Variants in TICRR observed in about 807,000 individuals in gnomAD.
TICRR encodes the protein TOPBP1 interacting checkpoint and replication regulator, also known as treslin.
In TICRR, 132 loss-of-function variants were observed where a neutral mutation model predicts 178.1. That is an observed-to-expected ratio of 0.74 (90% confidence interval 0.64 to 0.86). The LOEUF (loss-of-function observed/expected upper bound fraction) is 0.86. Among genes scored for constraint, TICRR ranks in the 40% least tolerant of loss-of-function variants. TICRR has a pLI of 0.00. For missense variants in TICRR, 2,587 were observed against 2,334.3 expected (o/e 1.11, Z -2.23); for synonymous variants, 991 against 900.7 (o/e 1.10, Z -1.79).
intron 3 of TICRR, among the ~76,000 whole-genome samples, chr15:89,585,027 A>G (rs1962796561): frequency 6.6e-6 from 1 of 152,206 alleles, no homozygotes. Context: ...ACATACCCAG[A>G]TTTGATTTAA....
At chr15:89,589,260 A>G (rs764416306) in intron 4 of TICRR, among the ~76,000 whole-genome samples, 92 of 152,230 alleles carry the variant, frequency 6.0e-4, no homozygotes, top group Non-Finnish European at 1.2e-3. Context: ...GGGGAGCATG[A>G]GATTGATTCC....
At chr15:89,592,414 C>T (rs921724282) in intron 5 of TICRR, among the ~76,000 whole-genome samples, 2 of 151,858 alleles carry the variant, frequency 1.3e-5, no homozygotes, top group Non-Finnish European at 2.9e-5. Context: ...CAAAGTAATT[C>T]GTCAAGTTAA....
At chr15:89,604,752 CAGAG>C (rs1440269044) in intron 13 of TICRR, among the ~76,000 whole-genome samples, 1 of 118,108 alleles carries the variant, frequency 8.5e-6, no homozygotes, top group Non-Finnish European at 1.6e-5. Flanking sequence ...GCCTGGGTTA[CAGAG>C]AGAGACTCTG....
At position 89,575,564 on chromosome 15, in the gene TICRR, C is replaced by T. The variant is rs1962594070; in HGVS notation, c.-23C>T. 3.4e-6 allele frequency: 5 copies of T among 1,451,136 alleles called. No individual in the cohort carries two copies. The highest frequency in any genetic ancestry group is 4.5e-6 in the Non-Finnish European group (5 of 1,109,744). The allele number at this position is 1,451,136 out of a possible 1,614,324, so 89.9% of individuals were successfully genotyped here. A position where few individuals can be genotyped will look rare whatever the true frequency, so the allele number is the denominator to read the frequency against. On this transcript the variant is annotated 5_prime_UTR_variant, in exon 1 of 22. Transcript: ENST00000268138. ...CGGTGGCGCGGGCCCGGACCGGGGC[C>T]CCGGGGCGGCGGCACGGCCGATATG...
At chr15:89,612,298 C>T (rs182774779) in intron 15 of TICRR, among the ~76,000 whole-genome samples, 20 of 152,080 alleles carry the variant, frequency 1.3e-4, no homozygotes, top group Admixed American at 4.6e-4. Context: ...ATTCAAGAAA[C>T]GAGGAGGGGG....
rs531988385 is a variant in TICRR, at chr15:89,613,140, A to G, written c.2870-3265A>G. Among the ~76,000 whole-genome samples the G allele has an allele frequency of 3.9e-5, 6 of 152,168 alleles. No homozygotes were observed. In the South Asian group the frequency reaches 1.2e-3, roughly 32 times the overall value. ...GTCTGCTAATGACAAATTCTGTTTT[A>G]TTTTGTTTCATTCTGAGAATGTGAT... On this transcript the variant is annotated intron_variant, in intron 15 of 21. Transcript: ENST00000268138.
At chr15:89,588,723 G>A (rs537863547) in intron 4 of TICRR, among the ~76,000 whole-genome samples, 59 of 152,262 alleles carry the variant, frequency 3.9e-4, no homozygotes, top group African/African-American at 1.4e-3. Context: ...CAGAGTGTTG[G>A]TAGCATCAAA....
At chr15:89,619,678 TG>T in intron 17 of TICRR, 29 bp from the exon 18 acceptor site, 1 of 1,583,904 alleles carries the variant, frequency 6.3e-7, no homozygotes, top group Non-Finnish European at 8.6e-7. Flanking sequence ...TAGTTGTCTT[TG>T]GTTACTTACT....
chr15:89,623,934 A>C lies in TICRR; in HGVS notation c.3624A>C (p.Pro1208=). ...GTACTCAGCCGCCTGGGTTTTTGCCAAACTGTACTTGGCCACATTCAGTGA... is the reference window on the plus strand; with the variant it reads ...GTACTCAGCCGCCTGGGTTTTTGCCCAACTGTACTTGGCCACATTCAGTGA... ...RQGTQPPGFL[P]NCTWPHSVNS... The change falls in exon 20 of 22, where the codon CCA becomes CCC. Residue 1208 remains proline (P), a synonymous_variant. Coordinates refer to ENST00000268138, the MANE Select transcript of TICRR (RefSeq NM_152259.4). 6.2e-7 allele frequency: 1 copy of C among 1,614,064 alleles called. No homozygotes were observed. Among genetic ancestry groups the C allele is most frequent in the Non-Finnish European group, 8.5e-7 (1 of 1,180,030 alleles).
At chr15:89,605,322 C>T (rs1197826726) in intron 13 of TICRR, among the ~76,000 whole-genome samples, 1 of 152,222 alleles carries the variant, frequency 6.6e-6, no homozygotes, top group African/African-American at 2.4e-5. Flanking sequence ...GGTCTGTACA[C>T]TGTAGTTTAC....
chr15:89,618,316 G>T (rs773483581), intron 17 of TICRR, 106 bp downstream of exon 17: 1 of 1,038,760 alleles, frequency 9.6e-7, no homozygotes, highest in Non-Finnish European at 1.5e-6. Context: ...TACAGAAATT[G>T]TGATGGCTCT....
chr15:89,575,513 T>C lies in TICRR; in HGVS notation c.-74T>C. 2 of 1,368,644 alleles carry C rather than the reference T, an allele frequency of 1.5e-6. No individual in the cohort carries two copies. Among genetic ancestry groups the C allele is most frequent in the South Asian group, 3.1e-5 (2 of 65,180 alleles). The allele number at this position is 1,368,644 out of a possible 1,614,324, so 84.8% of individuals were successfully genotyped here. On this transcript the variant is annotated 5_prime_UTR_variant, in exon 1 of 22. Coordinates refer to ENST00000268138, the MANE Select transcript of TICRR (RefSeq NM_152259.4). ...CAAAGGAAAGCAGTGAGTGGTGCTG[T>C]TTCCCTGAAGGAAGGGACTAAGGGA... is the stretch of plus-strand genomic sequence containing the variant.
chr15:89,576,678 A>G (rs939286371), intron 1 of TICRR, among the ~76,000 whole-genome samples: 1 of 151,972 alleles, frequency 6.6e-6, no homozygotes, highest in African/African-American at 2.4e-5. Flanking sequence ...CTGAATTGCC[A>G]TACACATTTT....
At chr15:89,611,312 G>C (rs1361572488) in intron 15 of TICRR, among the ~76,000 whole-genome samples, 4 of 152,092 alleles carry the variant, frequency 2.6e-5, no homozygotes, top group African/African-American at 9.7e-5. Context: ...GACTTCAAAT[G>C]TGACATCCAC....
rs760907374 is a variant in TICRR, at chr15:89,626,020, TC to T, written c.5563del (p.Gln1855ArgfsTer24). The part of the protein sequence containing the change: ...LQALTQSPLL[F>X]QGKTPSSQSK... ...GCTCTGACCCAGTCTCCGCTGCTGT[TC>T]CAGGGGAAAACACCTTCCTCTCAGA... On this transcript the variant is annotated frameshift_variant, in exon 21 of 22. Transcript: ENST00000268138. LOFTEE classifies it low-confidence loss of function (END_TRUNC). 2 of 1,613,724 alleles carry T rather than the reference TC, an allele frequency of 1.2e-6. No individual in the cohort carries two copies. Among genetic ancestry groups the T allele is most frequent in the African/African-American group, 2.7e-5 (2 of 74,936 alleles).
At chr15:89,607,779 G>C (rs1963195850) in intron 14 of TICRR, among the ~76,000 whole-genome samples, 1 of 152,068 alleles carries the variant, frequency 6.6e-6, no homozygotes, top group African/African-American at 2.4e-5. Context: ...ATTCACCCTT[G>C]GTGAATTTTT....
intron 4 of TICRR, among the ~76,000 whole-genome samples, chr15:89,586,768 A>C (rs945789245): frequency 6.6e-6 from 1 of 152,194 alleles, no homozygotes; most frequent in Non-Finnish European, 1.5e-5. Flanking sequence ...GAGGAATGGC[A>C]GGGAAGCCTG....
In TICRR at chr15:89,586,207, A is replaced by G. The variant is rs150074180; in HGVS notation, c.1411+265A>G. On this transcript the variant is annotated intron_variant, in intron 4 of 21. Transcript: ENST00000268138. ...TAAGAAATACTGCATATAAAACTGT[A>G]GTGATTCTGTCTACCCTGCATTGCA... is the stretch of plus-strand genomic sequence containing the variant. 1.2e-3 allele frequency among the ~76,000 whole-genome samples: 184 copies of G among 152,320 alleles called. 1 individual carries two copies. The highest frequency in any genetic ancestry group is 4.3e-3 in the African/African-American group (177 of 41,578).
In TICRR at chr15:89,627,522, A is replaced by C. The variant is rs541320353; in HGVS notation, c.*436A>C. ...TGTAAACTGTGAAGCCATATACGTG[A>C]AACTGAAGAGTGCATTGGGCAGTGG... On this transcript the variant is annotated 3_prime_UTR_variant, in exon 22 of 22. Coordinates refer to ENST00000268138, the MANE Select transcript of TICRR (RefSeq NM_152259.4). 48 of 171,370 alleles carry C rather than the reference A, an allele frequency of 2.8e-4. No homozygotes were observed. The highest frequency in any genetic ancestry group is 5.1e-4 in the Non-Finnish European group (41 of 80,234). The allele number at this position is 171,370 out of a possible 1,614,324, so 10.6% of individuals were successfully genotyped here.
Sources: gnomAD v4.1 joint callset for allele counts (sites outside exome capture counted in the v4.1 genomes callset) on GRCh38, gnomAD v4.1.1 for gene constraint, MANE v1.5 for transcripts, NCBI Gene and HGNC (gene_info 2026-07-23, HGNC 2026-07-21) for gene names.